The following TBX1 variants were observed in gnomAD, a reference collection of about 807,000 sequenced individuals.
TBX1 encodes the protein T-box transcription factor 1.
In TBX1, 16 loss-of-function variants were observed where a neutral mutation model predicts 40.8. The observed-to-expected ratio is 0.39, with a 90% CI of 0.27 to 0.60. The LOEUF (loss-of-function observed/expected upper bound fraction) is 0.60. Among genes scored for constraint, TBX1 ranks in the 20% least tolerant of loss-of-function variants. The pLI is 0.51. For missense variants in TBX1, 755 were observed against 728.5 expected, an observed-to-expected ratio of 1.04 and a Z score of -0.42; for synonymous variants, 403 against 336.8, an observed-to-expected ratio of 1.20 and a Z score of -2.15.
At position 19,760,855 on chromosome 22, in the gene TBX1, C is replaced by G. The variant is rs1936632012; in HGVS notation, c.12C>G (p.Ala4=). 2.0e-6 allele frequency: 2 copies of G among 1,009,336 alleles called. No individual in the cohort carries two copies. The highest frequency in any genetic ancestry group is 2.4e-6 in the Non-Finnish European group (2 of 837,312). 62.5% of individuals were successfully genotyped at this position (1,009,336 alleles called of 1,614,324 possible). The change falls in exon 1 of 7, where the codon GCC becomes GCG. Residue 4 remains alanine (A), a synonymous_variant. Coordinates refer to ENST00000649276, the MANE Select transcript of TBX1 (RefSeq NM_001379200.1). The part of the protein sequence containing the change: MIS[A]VSSPWLTQLS... ...GCGGCCCGCGGGTCATGATCTCCGCCGTGTCCAGCCCGTGGCTCACGCAGC... is the reference window on the plus strand; with the variant it reads ...GCGGCCCGCGGGTCATGATCTCCGCGGTGTCCAGCCCGTGGCTCACGCAGC...
downstream of TBX1, among the ~76,000 whole-genome samples, chr22:19,781,027 C>T (rs898147914): frequency 7.9e-5 from 12 of 152,102 alleles, no homozygotes; most frequent in African/African-American, 2.7e-4. Context: ...CGTGATCCAC[C>T]CGCCTCAGCC....
chr22:19,779,610 A>ATGTCAGGAGAAATTTAC, downstream of TBX1: 1 of 1,265,568 alleles, frequency 7.9e-7, no homozygotes, highest in Non-Finnish European at 1.1e-6. Flanking sequence ...AACAAAGTAA[A>ATGTCAGGAGAAATTTAC]TTTCTCCTGA....
chr22:19,757,741 G>C (rs879671948), upstream of TBX1, among the ~76,000 whole-genome samples: 17 of 152,332 alleles, frequency 1.1e-4, no homozygotes, highest in Non-Finnish European at 2.5e-4. Flanking sequence ...TGCTCAGAGA[G>C]GAAGGAAAGG....
At position 19,764,437 on chromosome 22, in the gene TBX1, C is replaced by T. The variant is rs1460620357; in HGVS notation, c.711+111C>T. On this transcript the variant is annotated intron_variant, in intron 3 of 6. Coordinates refer to ENST00000649276, the MANE Select transcript of TBX1 (RefSeq NM_001379200.1). ...CCCCAGGCCCCCGGCTGTCCCCAGGCGGCTCTGGGCTGTCCCCGAGGAGGC... is the reference window on the plus strand; with the variant it reads ...CCCCAGGCCCCCGGCTGTCCCCAGGTGGCTCTGGGCTGTCCCCGAGGAGGC... 2.0e-4 allele frequency: 288 copies of T among 1,406,106 alleles called. 2 individuals carry two copies. The South Asian group carries it at 3.1e-3, about 15-fold the overall frequency. 87.1% of individuals were successfully genotyped at this position (1,406,106 alleles called of 1,614,324 possible).
downstream of TBX1, among the ~76,000 whole-genome samples, chr22:19,771,030 G>A (rs1936981824): frequency 6.6e-6 from 1 of 152,234 alleles, no homozygotes; most frequent in Non-Finnish European, 1.5e-5. Flanking sequence ...GTGGAGGCCT[G>A]TGTCAGCCAT....
In TBX1 at chr22:19,767,037, G is replaced by C. The variant is rs1311154079; in HGVS notation, c.*170G>C. 2.3e-6 allele frequency: 3 copies of C among 1,319,836 alleles called. No individual in the cohort carries two copies. The highest frequency in any genetic ancestry group is 3.1e-5 in the African/African-American group (2 of 64,416). 81.8% of individuals were successfully genotyped at this position (1,319,836 alleles called of 1,614,324 possible). A position where few individuals can be genotyped will look rare whatever the true frequency, so the allele number is the denominator to read the frequency against. On this transcript the variant is annotated 3_prime_UTR_variant, in exon 7 of 7. Coordinates refer to ENST00000649276, the MANE Select transcript of TBX1 (RefSeq NM_001379200.1). The stretch of plus-strand genomic sequence containing the variant: ...CATGGGGGCCCCCTCGCCACCCCCA[G>C]CCCCTTGGGCTATCGAAGTATCCGG...
chr22:19,772,956 C>T (rs1031258017), intron 8 of TBX1, among the ~76,000 whole-genome samples: 4 of 152,210 alleles, frequency 2.6e-5, no homozygotes, highest in African/African-American at 7.2e-5. Context: ...GTCCCCTTCC[C>T]TGTCGCCTCA....
chr22:19,762,500 CAG>C (rs1329650745), intron 1 of TBX1, among the ~76,000 whole-genome samples: 1 of 152,252 alleles, frequency 6.6e-6, no homozygotes, highest in Admixed American at 6.5e-5. Flanking sequence ...CCAGGCACTG[CAG>C]AATGTCCTTT....
chr22:19,770,693 G>T (rs890589449), downstream of TBX1, among the ~76,000 whole-genome samples: 9 of 152,334 alleles, frequency 5.9e-5, no homozygotes, highest in Admixed American at 3.9e-4. Context: ...GGATCCATGC[G>T]ATGACAGTTG....
chr22:19,759,406 C>A, upstream of TBX1: 1 of 884,632 alleles, frequency 1.1e-6, no homozygotes, highest in Non-Finnish European at 1.4e-6. Flanking sequence ...GGCCCCCGCC[C>A]CCGGACTCCG....
chr22:19,772,185 T>G (rs1938124043), downstream of TBX1, among the ~76,000 whole-genome samples: 1 of 151,502 alleles, frequency 6.6e-6, no homozygotes, highest in Non-Finnish European at 1.5e-5. Flanking sequence ...TCACTGCAAC[T>G]TCCGCCTCCT....
downstream of TBX1, chr22:19,782,762 C>G: frequency 1.4e-6 from 2 of 1,387,380 alleles, no homozygotes; most frequent in Non-Finnish European, 2.0e-6. Context: ...ATTCTAGCTC[C>G]TTCCCTGTTT....
At chr22:19,770,118 T>G (rs1936964029), downstream of TBX1, among the ~76,000 whole-genome samples, 1 of 152,168 alleles carries the variant, frequency 6.6e-6, no homozygotes, top group South Asian at 2.1e-4. Flanking sequence ...GTTCCCTAGC[T>G]GGTCCAGAGG....
Position 19,760,854 on chromosome 22 carries a change from C to T in TBX1, c.11C>T (p.Ala4Val). 9.9e-7 allele frequency: 1 copy of T among 1,008,498 alleles called. No individual in the cohort carries two copies. The highest frequency in any genetic ancestry group is 1.2e-6 in the Non-Finnish European group (1 of 836,672). 62.5% of individuals were successfully genotyped at this position (1,008,498 alleles called of 1,614,324 possible). A position where few individuals can be genotyped will look rare whatever the true frequency, so the allele number is the denominator to read the frequency against. Residue 4 changes from alanine (A) to valine (V), a missense_variant, in exon 1 of 7, where the codon GCC becomes GTC. By Grantham distance (64) the Ala-to-Val change is moderately conservative (BLOSUM62 0). Transcript: ENST00000649276. ...GGCGGCCCGCGGGTCATGATCTCCG[C>T]CGTGTCCAGCCCGTGGCTCACGCAG... MISAVSSPWLTQLS... is the reference protein window; with the variant it reads MISVVSSPWLTQLS...
At chr22:19,776,686 C>A (rs1027614753) in intron 8 of TBX1, among the ~76,000 whole-genome samples, 2 of 152,188 alleles carry the variant, frequency 1.3e-5, no homozygotes, top group Non-Finnish European at 2.9e-5. Context: ...GCACGCCTAC[C>A]CTCAAGGGAT....
chr22:19,761,245 G>A lies in TBX1; in HGVS notation c.402G>A (p.Gln134=). ...EMKALWDEFN[Q]LGTEMIVTKA... ...AGGCGCTGTGGGACGAGTTCAACCAGCTGGGCACCGAGATGATCGTCACCA... is the reference window on the plus strand; with the variant it reads ...AGGCGCTGTGGGACGAGTTCAACCAACTGGGCACCGAGATGATCGTCACCA... Residue 134 remains glutamine, a synonymous_variant, in exon 1 of 7, where the codon CAG becomes CAA. Transcript: ENST00000649276. The A allele has an allele frequency of 6.4e-7, 1 of 1,569,540 alleles. No individual in the cohort carries two copies. The highest frequency in any genetic ancestry group is 8.6e-7 in the Non-Finnish European group (1 of 1,156,434).
At position 19,767,023 on chromosome 22, in the gene TBX1, C is replaced by T; in HGVS notation, c.*156C>T. The T allele has an allele frequency of 7.4e-7, 1 of 1,354,524 alleles. No individual in the cohort carries two copies. The highest frequency in any genetic ancestry group is 9.5e-7 in the Non-Finnish European group (1 of 1,056,332). 83.9% of individuals were successfully genotyped at this position (1,354,524 alleles called of 1,614,324 possible). On this transcript the variant is annotated 3_prime_UTR_variant, in exon 7 of 7. Coordinates refer to ENST00000649276, the MANE Select transcript of TBX1 (RefSeq NM_001379200.1). ...CCCAGCCTCGAAGCCATGGGGGCCC[C>T]CTCGCCACCCCCAGCCCCTTGGGCT... is the stretch of plus-strand genomic sequence containing the variant.
Position 19,766,433 on chromosome 22 carries a change from C to G in TBX1, c.1081C>G (p.Pro361Ala), listed in dbSNP as rs1329122220. The change falls in exon 7 of 7, where the codon CCA (proline) becomes GCA (alanine). Residue 361 changes from proline to alanine, a missense_variant. By Grantham distance (27) the Pro-to-Ala change is conservative (BLOSUM62 -1). Coordinates refer to ENST00000649276, the MANE Select transcript of TBX1 (RefSeq NM_001379200.1). ...RREFQRDAGG[P>A]AVLGDPAHPP... is the part of the protein sequence containing the mutation. ...AGAATTCCAGCGCGACGCGGGCGGG[C>G]CAGCAGTGCTCGGGGACCCGGCGCA... The G allele has an allele frequency of 9.6e-6, 13 of 1,351,798 alleles. 1 individual carries two copies. In the African/African-American group the frequency reaches 1.8e-4, roughly 19 times the overall value. The allele number at this position is 1,351,798 out of a possible 1,614,324, so 83.7% of individuals were successfully genotyped here.
intron 8 of TBX1, among the ~76,000 whole-genome samples, chr22:19,778,900 CAAT>C (rs1937106955): frequency 6.6e-6 from 1 of 152,092 alleles, no homozygotes; most frequent in Non-Finnish European, 1.5e-5. Context: ...GCCTAGGCAA[CAAT>C]AAGACTCCGT....
Sources: allele counts gnomAD v4.1 joint callset (sites outside exome capture counted in the v4.1 genomes callset), GRCh38; gene constraint gnomAD v4.1.1; transcripts MANE v1.5; gene names NCBI Gene and HGNC (gene_info 2026-07-23, HGNC 2026-07-21).